LTBP1: variants seen among roughly 807,000 people sequenced by gnomAD.
LTBP1 encodes the protein latent-transforming growth factor beta-binding protein 1.
A neutral mutation model predicts 207.6 loss-of-function variants in LTBP1; 129 were observed. The observed-to-expected ratio is 0.62, with a 90% CI of 0.54 to 0.72. The LOEUF is 0.72. Ranked by LOEUF, LTBP1 falls within the 30% of genes least tolerant of loss-of-function variation. The pLI is 0.00. For synonymous variants in LTBP1, 963 were observed against 833.7 expected (o/e 1.16, Z -2.67); for missense variants, 2,281 against 2,217.2 (o/e 1.03, Z -0.58).
At chr2:33,217,802 A>G in intron 8 of LTBP1, 148 bp downstream of exon 8, 1 of 564,198 alleles carries the variant, frequency 1.8e-6, no homozygotes, top group South Asian at 2.9e-5. Context: ...ATTTCCAGAA[A>G]ATTTGCAAGT....
intron 2 of LTBP1, among the ~76,000 whole-genome samples, chr2:32,992,696 A>T (rs1330411757): frequency 2.6e-5 from 4 of 152,180 alleles, no homozygotes; most frequent in Non-Finnish European, 5.9e-5. Flanking sequence ...CATGTAAGGG[A>T]AGAATCCAGC....
In LTBP1 at chr2:33,177,280, T is replaced by G. The variant is rs182686678; in HGVS notation, c.1202-9576T>G. Among the ~76,000 whole-genome samples the G allele has an allele frequency of 2.9e-4, 44 of 152,318 alleles. No individual in the cohort carries two copies. In the East Asian group the frequency reaches 6.8e-3, roughly 23 times the overall value. On this transcript the variant is annotated intron_variant, in intron 5 of 33. Transcript: ENST00000404816. ...AATTTGTAAATGTTAACTGAATGCA[T>G]GAGAAAATAATTACTAAGAATAAAA...
intron 7 of LTBP1, among the ~76,000 whole-genome samples, chr2:33,213,566 C>T (rs1250368726): frequency 2.0e-5 from 3 of 152,180 alleles, no homozygotes; most frequent in Non-Finnish European, 4.4e-5. Flanking sequence ...GAAGATCTTT[C>T]CTCTACCTTC....
chr2:33,156,690 A>G (rs1159538372), intron 5 of LTBP1, among the ~76,000 whole-genome samples: 2 of 152,124 alleles, frequency 1.3e-5, no homozygotes, highest in African/African-American at 4.8e-5. Context: ...ATATAACTAT[A>G]CAACTATATA....
rs1002969197 is a variant in LTBP1 at position 33,108,551 on chromosome 2, A to C, written c.864-2031A>C. On this transcript the variant is annotated intron_variant, in intron 3 of 33. Coordinates refer to ENST00000404816, the MANE Select transcript of LTBP1 (RefSeq NM_206943.4). Reference sequence around the variant, plus strand: ...TTCTTGTCCTCCGCTTCCTCAATTCAGAGGGGGGACAAGAGACAACCTCAA... The same window carrying C: ...TTCTTGTCCTCCGCTTCCTCAATTCCGAGGGGGGACAAGAGACAACCTCAA... Among the ~76,000 whole-genome samples the C allele has an allele frequency of 2.0e-5, 3 of 152,050 alleles. No homozygotes were observed. The East Asian group carries it at 5.8e-4, about 29-fold the overall frequency.
At chr2:33,383,622 C>G (rs1237163540) in intron 31 of LTBP1, among the ~76,000 whole-genome samples, 1 of 152,072 alleles carries the variant, frequency 6.6e-6, no homozygotes, top group Non-Finnish European at 1.5e-5. Flanking sequence ...TGCAGTGGCA[C>G]AATCACAGCT....
intron 5 of LTBP1, among the ~76,000 whole-genome samples, chr2:33,150,009 A>G (rs2083382584): frequency 6.6e-6 from 1 of 152,224 alleles, no homozygotes; most frequent in Admixed American, 6.5e-5. Flanking sequence ...AAACTATTCA[A>G]GCATTAAAAG....
intron 7 of LTBP1, among the ~76,000 whole-genome samples, chr2:33,214,542 G>A (rs1302505063): frequency 3.9e-5 from 6 of 151,938 alleles, no homozygotes; most frequent in African/African-American, 1.2e-4. Context: ...GTCTTCCCCC[G>A]TGTCTGAGAC....
At chr2:33,017,549 C>A (rs765493519) in intron 2 of LTBP1, among the ~76,000 whole-genome samples, 1 of 152,224 alleles carries the variant, frequency 6.6e-6, no homozygotes, top group African/African-American at 2.4e-5. Context: ...ACTGCTACTG[C>A]ATGGGCCCAA....
chr2:33,239,902 T>TGAAA (rs2092237109), intron 9 of LTBP1, among the ~76,000 whole-genome samples: 1 of 144,170 alleles, frequency 6.9e-6, no homozygotes, highest in South Asian at 2.2e-4. Context: ...AGACTCCATC[T>TGAAA]TAAATAAATA....
chr2:33,011,581 C>A (rs1687676876), intron 2 of LTBP1, among the ~76,000 whole-genome samples: 1 of 152,056 alleles, frequency 6.6e-6, no homozygotes. Flanking sequence ...ATGAGGCCAA[C>A]TCTGCTGATG....
Position 33,031,420 on chromosome 2 carries a change from A to G in LTBP1, c.863+10214A>G, listed in dbSNP as rs571935211. Reference sequence around the variant, plus strand: ...TGATTCATTCATTCCATCAGCAGATATTTACTGAGTGCCATCCACATACCA... The same window carrying G: ...TGATTCATTCATTCCATCAGCAGATGTTTACTGAGTGCCATCCACATACCA... On this transcript the variant is annotated intron_variant, in intron 3 of 33. Transcript: ENST00000404816. 7.9e-5 allele frequency among the ~76,000 whole-genome samples: 12 copies of G among 152,340 alleles called. No homozygotes were observed. In the East Asian group the frequency reaches 1.7e-3, roughly 22 times the overall value.
At chr2:33,306,290 C>T (rs1367295389) in intron 22 of LTBP1, among the ~76,000 whole-genome samples, 2 of 152,196 alleles carry the variant, frequency 1.3e-5, no homozygotes, top group Admixed American at 1.3e-4. Flanking sequence ...ATGAACAGAG[C>T]CGGGCATGGT....
chr2:32,952,635 T>A (rs902982793), intron 2 of LTBP1, among the ~76,000 whole-genome samples: 1 of 152,176 alleles, frequency 6.6e-6, no homozygotes, highest in African/African-American at 2.4e-5. Flanking sequence ...CCTCCTATCA[T>A]TTTTGTAGTT....
chr2:33,053,060 G>A (rs116081528), intron 3 of LTBP1, among the ~76,000 whole-genome samples: 473 of 152,174 alleles, frequency 3.1e-3, no homozygotes, highest in African/African-American at 0.011. Context: ...TAATCGAGAC[G>A]GGGTTTCACT....
intron 2 of LTBP1, among the ~76,000 whole-genome samples, chr2:32,953,088 T>C (rs1170878977): frequency 2.6e-5 from 4 of 152,246 alleles, no homozygotes; most frequent in Admixed American, 6.5e-5. Flanking sequence ...AAAATCGATA[T>C]TCCATTGCTT....
intron 2 of LTBP1, among the ~76,000 whole-genome samples, chr2:33,007,656 C>T (rs1043880063): frequency 6.6e-6 from 1 of 152,134 alleles, no homozygotes; most frequent in Non-Finnish European, 1.5e-5. Context: ...ATGTAGAATT[C>T]CAATAGTAGA....
intron 9 of LTBP1, among the ~76,000 whole-genome samples, chr2:33,224,616 A>G (rs1484824626): frequency 1.3e-5 from 2 of 152,290 alleles, no homozygotes; most frequent in South Asian, 2.1e-4. Flanking sequence ...TAGCTATACT[A>G]TTATTCAGAT....
Position 33,222,087 on chromosome 2 carries a change from T to C in LTBP1, c.1812T>C (p.His604=), listed in dbSNP as rs986226580. 3.7e-6 allele frequency: 6 copies of C among 1,612,228 alleles called. No homozygotes were observed. In the South Asian group the frequency reaches 6.6e-5, roughly 18 times the overall value. The change falls in exon 9 of 34, where the codon CAT becomes CAC. Residue 604 remains histidine, a synonymous_variant. Coordinates refer to ENST00000404816, the MANE Select transcript of LTBP1 (RefSeq NM_206943.4). Reference sequence around the variant, plus strand: ...GCATTTCTTCCCTTACAGCTTATCATGGATACAACCAAATGATGGAATGCC... The same window carrying C: ...GCATTTCTTCCCTTACAGCTTATCACGGATACAACCAAATGATGGAATGCC... The part of the protein sequence containing the change: ...CQKCPKKPSY[H]GYNQMMECLP...
Sources: gnomAD v4.1 joint callset for allele counts (sites outside exome capture counted in the v4.1 genomes callset) on GRCh38, gnomAD v4.1.1 for gene constraint, MANE v1.5 for transcripts, NCBI Gene and HGNC (gene_info 2026-07-23, HGNC 2026-07-21) for gene names.